Variants in PTPRB observed in about 807,000 individuals in gnomAD.
The protein encoded by PTPRB is protein tyrosine phosphatase receptor type B.
In PTPRB, 97 loss-of-function variants were observed where a neutral mutation model predicts 238.1. The ratio of observed to expected loss-of-function variants is 0.41; its 90% CI spans 0.35 to 0.48. The LOEUF is 0.48. Ranked by LOEUF, PTPRB falls within the 20% of genes least tolerant of loss-of-function variation. The probability of loss-of-function intolerance (pLI) is 0.30; values close to 1 mark genes in which losing one functional copy is unlikely to be tolerated. For synonymous variants in PTPRB, 970 were observed against 995.4 expected, an observed-to-expected ratio of 0.97 and a Z score of 0.48; for missense variants, 2,292 against 2,681.9, an observed-to-expected ratio of 0.85 and a Z score of 3.21.
chr12:70,531,695 C>G (rs1212321712), intron 32 of PTPRB, among the ~76,000 whole-genome samples: 1 of 152,158 alleles, frequency 6.6e-6, no homozygotes, highest in East Asian at 1.9e-4. Context: ...GTGGTCTTTA[C>G]CATCTACATA....
intron 2 of PTPRB, among the ~76,000 whole-genome samples, chr12:70,634,033 T>C (rs1026081908): frequency 6.6e-6 from 1 of 152,194 alleles, no homozygotes; most frequent in Non-Finnish European, 1.5e-5. Context: ...TATTTTCTGA[T>C]AAAGTTGAAT....
intron 21 of PTPRB, among the ~76,000 whole-genome samples, chr12:70,552,224 C>T (rs920460250): frequency 1.6e-4 from 25 of 152,256 alleles, no homozygotes; most frequent in Middle Eastern, 6.8e-3. Flanking sequence ...TGGCTCACAC[C>T]TGTAATCCCA....
In PTPRB at chr12:70,552,887, G is replaced by A. The variant is rs936236783; in HGVS notation, c.5277C>T (p.Ser1759=). The change falls in exon 21 of 34, where the codon TCC becomes TCT. Residue 1759 remains serine, a synonymous_variant. Transcript: ENST00000334414. ...CTCCAAGCTTAATGTTAAAACTCTT[G>A]GAGTTGCTGTTAGGATTTTCGGCAC... ...SKCAENPNSN[S]KSFNIKLGAE... is the part of the protein sequence containing the mutation. 6.2e-7 allele frequency: 1 copy of A among 1,613,844 alleles called. No individual in the cohort carries two copies. The highest frequency in any genetic ancestry group is 1.7e-5 in the Admixed American group (1 of 60,002).
At chr12:70,564,546 C>T (rs1038231999) in intron 15 of PTPRB, among the ~76,000 whole-genome samples, 2 of 149,986 alleles carry the variant, frequency 1.3e-5, no homozygotes, top group South Asian at 2.1e-4. Context: ...ATTGTAAGCC[C>T]CTTGACCAGG....
At position 70,536,158 on chromosome 12, in the gene PTPRB, C is replaced by A. The variant is rs144389405; in HGVS notation, c.5948G>T (p.Gly1983Val). The A allele has an allele frequency of 1.2e-6, 2 of 1,612,376 alleles. No homozygotes were observed. The highest frequency in any genetic ancestry group is 1.7e-6 in the Non-Finnish European group (2 of 1,179,100). Residue 1983 changes from glycine to valine, a missense_variant and splice_region_variant, in exon 29 of 34, where the codon GGC becomes GTC. By Grantham distance (109) the Gly-to-Val change is moderately radical (BLOSUM62 -3). Coordinates refer to ENST00000334414, the MANE Select transcript of PTPRB (RefSeq NM_001109754.4). ...AATGTATTCTCTTCTGAAGTTGTTG[C>A]CCTGCAATGAATTTACAATATGGAG... ...SDYINASYIP[G>V]NNFRREYIVT...
chr12:70,597,652 G>A (rs1433218790), intron 4 of PTPRB, among the ~76,000 whole-genome samples: 1 of 152,112 alleles, frequency 6.6e-6, no homozygotes, highest in Non-Finnish European at 1.5e-5. Flanking sequence ...TATTATAATG[G>A]CATGGCTATA....
intron 4 of PTPRB, among the ~76,000 whole-genome samples, chr12:70,598,668 C>T (rs1374209720): frequency 2.0e-5 from 3 of 152,132 alleles, no homozygotes; most frequent in Non-Finnish European, 4.4e-5. Context: ...CATACTTTTG[C>T]TGAAGTGGCA....
intron 20 of PTPRB, among the ~76,000 whole-genome samples, chr12:70,554,884 A>G (rs1192960699): frequency 6.6e-6 from 1 of 152,226 alleles, no homozygotes; most frequent in Admixed American, 6.5e-5. Flanking sequence ...GTAAGGGCTC[A>G]ATAAATGATG....
At chr12:70,552,646 G>T in intron 21 of PTPRB, 131 bp downstream of exon 21, 1 of 1,214,770 alleles carries the variant, frequency 8.2e-7, no homozygotes, top group Non-Finnish European at 1.1e-6. Flanking sequence ...AAATTACCCA[G>T]TAAAATGCAC....
At chr12:70,584,624 C>T (rs1881703785) in intron 9 of PTPRB, among the ~76,000 whole-genome samples, 1 of 152,060 alleles carries the variant, frequency 6.6e-6, no homozygotes, top group Admixed American at 6.5e-5. Flanking sequence ...ACTTTAAACA[C>T]AGAGTTGGAA....
At chr12:70,539,482 A>T in intron 26 of PTPRB, 143 bp downstream of exon 26, 1 of 663,762 alleles carries the variant, frequency 1.5e-6, no homozygotes, top group Non-Finnish European at 2.6e-6. Context: ...GGCATAGTTT[A>T]GGCATAAAAG....
chr12:70,583,345 T>C (rs1304911043), intron 9 of PTPRB, among the ~76,000 whole-genome samples: 1 of 152,134 alleles, frequency 6.6e-6, no homozygotes, highest in Non-Finnish European at 1.5e-5. Context: ...TGTAAATGAA[T>C]GACTTGTCAG....
At chr12:70,585,723 T>C (rs1398626783) in intron 9 of PTPRB, among the ~76,000 whole-genome samples, 1 of 152,128 alleles carries the variant, frequency 6.6e-6, no homozygotes, top group African/African-American at 2.4e-5. Flanking sequence ...GGTATACATG[T>C]GCCATGTTGG....
chr12:70,535,964 G>C (rs976017097), intron 29 of PTPRB, 61 bp downstream of exon 29: 1 of 1,597,286 alleles, frequency 6.3e-7, no homozygotes, highest in Non-Finnish European at 8.5e-7. Context: ...TGATGATGGG[G>C]CAGAATTCTA....
rs536575381 is a variant in PTPRB, at chr12:70,533,372, G to A, written c.6368+1116C>T. ...GACAGGGAGGAGATGAGTACACTTG[G>A]CATTTCTCTTACTGCTGCAGTTCCC... On this transcript the variant is annotated intron_variant, in intron 31 of 33. Coordinates refer to ENST00000334414, the MANE Select transcript of PTPRB (RefSeq NM_001109754.4). Among the ~76,000 whole-genome samples the A allele has an allele frequency of 7.9e-5, 12 of 152,266 alleles. No homozygotes were observed. The South Asian group carries it at 2.5e-3, about 32-fold the overall frequency.
Position 70,535,298 on chromosome 12 carries a change from G to A in PTPRB, c.6082-343C>T, listed in dbSNP as rs529911896. Among the ~76,000 whole-genome samples the A allele has an allele frequency of 1.2e-4, 16 of 130,260 alleles. No individual in the cohort carries two copies. The South Asian group carries it at 3.5e-3, about 29-fold the overall frequency. 85.5% of individuals were successfully genotyped at this position (130,260 alleles called of 152,430 possible). A position where few individuals can be genotyped will look rare whatever the true frequency, so the allele number is the denominator to read the frequency against. The stretch of plus-strand genomic sequence containing the variant: ...TAGCAGGTAAACTGTGGTTCACAAC[G>A]TATTGTTCTTTCTAAAGAAAGAAAT... On this transcript the variant is annotated intron_variant, in intron 29 of 33. Coordinates refer to ENST00000334414, the MANE Select transcript of PTPRB (RefSeq NM_001109754.4).
Position 70,539,720 on chromosome 12 carries a change from TGAAAC to T in PTPRB, c.5697-19_5697-15del. 1 of 1,603,986 alleles carries T rather than the reference TGAAAC, an allele frequency of 6.2e-7. No individual in the cohort carries two copies. The highest frequency in any genetic ancestry group is 1.7e-4 in the Middle Eastern group (1 of 6,048). ...ATTTTTATTGGACTGTAATTAAAAATGAAACAAACAGAAAAGAGTTACTGCAGAAA... is the reference window on the plus strand; with the variant it reads ...ATTTTTATTGGACTGTAATTAAAAATAAACAGAAAAGAGTTACTGCAGAAA... On this transcript the variant is annotated splice_polypyrimidine_tract_variant and intron_variant, in intron 25 of 33. Transcript: ENST00000334414.
At chr12:70,576,102 G>T (rs1260478289) in intron 11 of PTPRB, among the ~76,000 whole-genome samples, 1 of 152,116 alleles carries the variant, frequency 6.6e-6, no homozygotes, top group African/African-American at 2.4e-5. Flanking sequence ...AGTTCATAAG[G>T]GTTAGTTATA....
rs1263368186 is a variant in PTPRB at position 70,566,724 on chromosome 12, G to A, written c.3635-20C>T. 6.2e-7 allele frequency: 1 copy of A among 1,605,524 alleles called. No individual in the cohort carries two copies. Among genetic ancestry groups the A allele is most frequent in the Non-Finnish European group, 8.5e-7 (1 of 1,175,178 alleles). ...CTGGAACTGCAGAGAGACAAGTGGA[G>A]CAACAAAATACAGATTTTATCACTT... On this transcript the variant is annotated intron_variant, in intron 14 of 33. Transcript: ENST00000334414.
Sources: allele counts gnomAD v4.1 joint callset (sites outside exome capture counted in the v4.1 genomes callset), GRCh38; gene constraint gnomAD v4.1.1; transcripts MANE v1.5; gene names NCBI Gene and HGNC (gene_info 2026-07-23, HGNC 2026-07-21).